Variants in KSR1 observed in about 807,000 individuals in gnomAD.
KSR1 encodes the protein kinase suppressor of ras.
In KSR1, 35 loss-of-function variants were observed where a neutral mutation model predicts 92.9. The ratio of observed to expected loss-of-function variants is 0.38; its 90% CI spans 0.29 to 0.50. The LOEUF (loss-of-function observed/expected upper bound fraction) is 0.50, where lower values mean the gene tolerates loss of function less well. KSR1 is among the 20% of genes least tolerant of loss of function. The pLI is 0.94. For missense variants in KSR1, 972 were observed against 1,158.5 expected (o/e 0.84, Z 2.34); for synonymous variants, 467 against 472.6 (o/e 0.99, Z 0.15).
chr17:27,471,863 C>G (rs2020028616), intron 1 of KSR1: 1 of 152,318 alleles, frequency 6.6e-6, no homozygotes, highest in South Asian at 2.1e-4. Context: ...GCGCAGCTGA[C>G]TCATCTCTGT....
At chr17:27,552,858 CAT>C (rs1330443472) in intron 2 of KSR1, among the ~76,000 whole-genome samples, 1 of 152,208 alleles carries the variant, frequency 6.6e-6, no homozygotes, top group Admixed American at 6.5e-5. Flanking sequence ...AAAGTTGACA[CAT>C]AGCACATCTG....
intron 17 of KSR1, among the ~76,000 whole-genome samples, chr17:27,611,021 G>A (rs2073899752): frequency 6.6e-6 from 1 of 152,210 alleles, no homozygotes; most frequent in Admixed American, 6.5e-5. Flanking sequence ...CACCTGTGCT[G>A]TATCTGGGTA....
intron 1 of KSR1, among the ~76,000 whole-genome samples, chr17:27,540,227 A>G (rs182066814): frequency 2.1e-4 from 32 of 152,372 alleles, no homozygotes; most frequent in African/African-American, 6.3e-4. Context: ...TCCTGCACCC[A>G]CTGCTGCACC....
intron 18 of KSR1, 120 bp from the exon 19 acceptor site, chr17:27,617,175 G>A: frequency 7.2e-6 from 8 of 1,115,208 alleles, no homozygotes; most frequent in Non-Finnish European, 9.7e-6. Context: ...AGGGTGTTCA[G>A]GGGGCCGCCA....
rs2074287834 is a variant in KSR1, at chr17:27,623,897, CTCCCCTTGTCCTTT to C, written c.*506_*519del. 5.1e-6 allele frequency: 2 copies of C among 393,222 alleles called. No homozygotes were observed. Among genetic ancestry groups the C allele is most frequent in the Non-Finnish European group, 8.9e-6 (2 of 224,860 alleles). The allele number at this position is 393,222 out of a possible 1,614,324, so 24.4% of individuals were successfully genotyped here. A position where few individuals can be genotyped will look rare whatever the true frequency, so the allele number is the denominator to read the frequency against. ...CCATCAGGGAAATCTATCTAGGGCT[CTCCCCTTGTCCTTT>C]CAAAGGGATACTGCCCCTTCCTCGT... On this transcript the variant is annotated 3_prime_UTR_variant, in exon 21 of 21. Transcript: ENST00000644974.
chr17:27,490,811 A>G (rs2068799303), intron 1 of KSR1, among the ~76,000 whole-genome samples: 1 of 152,198 alleles, frequency 6.6e-6, no homozygotes, highest in African/African-American at 2.4e-5. Flanking sequence ...CACCTATAGA[A>G]ACGATAGGCT....
At chr17:27,556,842 C>G (rs1188795048) in intron 2 of KSR1, among the ~76,000 whole-genome samples, 1 of 152,212 alleles carries the variant, frequency 6.6e-6, no homozygotes, top group Non-Finnish European at 1.5e-5. Flanking sequence ...GTGGCCTCTG[C>G]TATGTCCAGA....
At chr17:27,576,543 A>G (rs926464899) in intron 2 of KSR1, among the ~76,000 whole-genome samples, 10 of 152,200 alleles carry the variant, frequency 6.6e-5, no homozygotes, top group African/African-American at 2.4e-4. Flanking sequence ...TAAAGTGCCT[A>G]TGTGGGGAGA....
rs552326422 is a variant in KSR1, at chr17:27,590,321, G to A, written c.1047-490G>A. 4.6e-5 allele frequency among the ~76,000 whole-genome samples: 7 copies of A among 152,326 alleles called. No homozygotes were observed. The East Asian group carries it at 5.8e-4, about 13-fold the overall frequency. Reference sequence around the variant, plus strand: ...CATTCCGTATTTGCACAGAAAGAGCGTCCTTGTTTTAGTTTCTTGCTGCAT... The same window carrying A: ...CATTCCGTATTTGCACAGAAAGAGCATCCTTGTTTTAGTTTCTTGCTGCAT... On this transcript the variant is annotated intron_variant, in intron 6 of 20. Transcript: ENST00000644974.
intron 1 of KSR1, among the ~76,000 whole-genome samples, chr17:27,486,753 C>T (rs893606119): frequency 2.0e-5 from 3 of 152,196 alleles, no homozygotes; most frequent in South Asian, 2.1e-4. Context: ...ACAAGCAAGG[C>T]GGGTGGTTTG....
chr17:27,535,388 A>G (rs998454380), intron 1 of KSR1, among the ~76,000 whole-genome samples: 13 of 152,222 alleles, frequency 8.5e-5, no homozygotes, highest in Admixed American at 8.5e-4. Context: ...ATGCACAGTC[A>G]TGTCACTAGG....
chr17:27,567,073 C>T (rs1473494707), intron 2 of KSR1, among the ~76,000 whole-genome samples: 2 of 152,158 alleles, frequency 1.3e-5, no homozygotes, highest in African/African-American at 4.8e-5. Flanking sequence ...CTCTATGAAG[C>T]TCAGTTCCTT....
At chr17:27,544,902 C>T (rs750765027) in intron 1 of KSR1, among the ~76,000 whole-genome samples, 6 of 152,250 alleles carry the variant, frequency 3.9e-5, no homozygotes, top group East Asian at 1.9e-4. Flanking sequence ...CTTCATTTCA[C>T]TCTGACGGGA....
At position 27,588,375 on chromosome 17, in the gene KSR1, C is replaced by T. The variant is rs754851483; in HGVS notation, c.986-100C>T. The T allele has an allele frequency of 1.3e-4, 126 of 974,634 alleles. No individual in the cohort carries two copies. In the Middle Eastern group the frequency reaches 1.9e-3, roughly 15 times the overall value. The allele number at this position is 974,634 out of a possible 1,614,324, so 60.4% of individuals were successfully genotyped here. A position where few individuals can be genotyped will look rare whatever the true frequency, so the allele number is the denominator to read the frequency against. On this transcript the variant is annotated intron_variant, in intron 5 of 20. Transcript: ENST00000644974. ...GAGATGCTTATATAATAAACCATTG[C>T]GCCCCCCTCTAGCCTGTGGTCTCTG... is the stretch of plus-strand genomic sequence containing the variant.
At chr17:27,505,648 C>T (rs2069352979) in intron 1 of KSR1, among the ~76,000 whole-genome samples, 1 of 152,176 alleles carries the variant, frequency 6.6e-6, no homozygotes, top group Non-Finnish European at 1.5e-5. Flanking sequence ...AGCAGTATCT[C>T]CCTCAGGAGA....
intron 4 of KSR1, among the ~76,000 whole-genome samples, chr17:27,584,369 C>T (rs1432604228): frequency 6.6e-6 from 1 of 152,132 alleles, no homozygotes; most frequent in African/African-American, 2.4e-5. Flanking sequence ...TGGACAGCTC[C>T]GATGGGTTTG....
intron 1 of KSR1, among the ~76,000 whole-genome samples, chr17:27,469,199 T>C (rs2019851375): frequency 6.6e-6 from 1 of 152,204 alleles, no homozygotes; most frequent in Admixed American, 6.5e-5. Flanking sequence ...CTCTCGAGGC[T>C]CTGCACAGTC....
chr17:27,495,797 T>C (rs2068966185), intron 1 of KSR1, among the ~76,000 whole-genome samples: 1 of 152,224 alleles, frequency 6.6e-6, no homozygotes, highest in South Asian at 2.1e-4. Flanking sequence ...GTAGCTGTCA[T>C]TGATCAGGTG....
intron 1 of KSR1, among the ~76,000 whole-genome samples, chr17:27,486,858 A>G (rs1434004390): frequency 6.6e-6 from 1 of 152,062 alleles, no homozygotes; most frequent in Non-Finnish European, 1.5e-5. Context: ...CGAGTCTACC[A>G]CTCACTTGCT....
Sources: gnomAD v4.1 joint callset for allele counts (sites outside exome capture counted in the v4.1 genomes callset) on GRCh38, gnomAD v4.1.1 for gene constraint, MANE v1.5 for transcripts, NCBI Gene and HGNC (gene_info 2026-07-23, HGNC 2026-07-21) for gene names.